The following MTF1 variants were observed in gnomAD, a reference collection of about 807,000 sequenced individuals.
The protein encoded by MTF1 is metal regulatory transcription factor 1.
In MTF1, 22 loss-of-function variants were observed where a neutral mutation model predicts 70.4. The ratio of observed to expected loss-of-function variants is 0.31; its 90% CI spans 0.22 to 0.45. MTF1 has a LOEUF of 0.45. MTF1 is among the 20% of genes least tolerant of loss of function. The pLI is 1.00. For missense variants in MTF1, 649 were observed against 922.0 expected (o/e 0.70, Z 3.83); for synonymous variants, 333 against 352.8 (o/e 0.94, Z 0.63).
intron 2 of MTF1, among the ~76,000 whole-genome samples, chr1:37,853,343 T>C (rs1265117841): frequency 1.3e-5 from 2 of 152,220 alleles, no homozygotes; most frequent in Non-Finnish European, 2.9e-5. Context: ...TCTACTACTA[T>C]GTTCTAGTCT....
At chr1:37,817,518 T>C in intron 9 of MTF1, 36 bp from the exon 10 acceptor site, 3 of 1,454,030 alleles carry the variant, frequency 2.1e-6, no homozygotes, top group Non-Finnish European at 2.9e-6. Context: ...TTATAGCCAC[T>C]GTAATATGGC....
intron 10 of MTF1, among the ~76,000 whole-genome samples, chr1:37,816,845 G>A (rs1640825779): frequency 6.6e-6 from 1 of 152,268 alleles, no homozygotes; most frequent in Non-Finnish European, 1.5e-5. Flanking sequence ...CTGGGTGACA[G>A]TGAGACCTTG....
Position 37,818,732 on chromosome 1 carries a change from C to T in MTF1, c.1768-1250G>A, listed in dbSNP as rs569693517. Among the ~76,000 whole-genome samples the T allele has an allele frequency of 1.0e-4, 15 of 149,822 alleles. No individual in the cohort carries two copies. The East Asian group carries it at 2.2e-3, about 22-fold the overall frequency. ...AAAAAAGGCCAGGTGTGGTGGCTCA[C>T]GCCTGTAATCCCAGCACTATGGGAG... On this transcript the variant is annotated intron_variant, in intron 9 of 10. Transcript: ENST00000373036.
chr1:37,854,710 T>C (rs1569890448), intron 2 of MTF1, among the ~76,000 whole-genome samples: 1 of 152,242 alleles, frequency 6.6e-6, no homozygotes, highest in Admixed American at 6.5e-5. Context: ...AGAGCCATAC[T>C]GTATTCAGTG....
chr1:37,855,190 AG>A (rs1440303711), intron 2 of MTF1, among the ~76,000 whole-genome samples: 1 of 152,200 alleles, frequency 6.6e-6, no homozygotes, highest in African/African-American at 2.4e-5. Flanking sequence ...CCTGTACAAG[AG>A]GAAGAAAAAT....
chr1:37,835,218 G>T lies in MTF1; in HGVS notation c.854-3C>A. The T allele has an allele frequency of 6.2e-7, 1 of 1,612,048 alleles. No homozygotes were observed. Among genetic ancestry groups the T allele is most frequent in the South Asian group, 1.1e-5 (1 of 90,974 alleles). On this transcript the variant is annotated splice_polypyrimidine_tract_variant and splice_region_variant and intron_variant, in intron 5 of 10. Transcript: ENST00000373036. Reference sequence around the variant, plus strand: ...GGGGCAGAAGAAGGGTCTTTCACCTGCAAGAATAACAAAGTAGTGTTAATT... The same window carrying T: ...GGGGCAGAAGAAGGGTCTTTCACCTTCAAGAATAACAAAGTAGTGTTAATT...
chr1:37,823,953 A>G (rs1480781844), intron 7 of MTF1, 141 bp from the exon 8 acceptor site: 9 of 624,406 alleles, frequency 1.4e-5, no homozygotes, highest in Non-Finnish European at 2.6e-5. Flanking sequence ...TTAAAGTAAC[A>G]TGTATTTTCT....
intron 7 of MTF1, 130 bp downstream of exon 7, chr1:37,832,113 CTA>C: frequency 1.7e-6 from 1 of 597,676 alleles, no homozygotes; most frequent in Non-Finnish European, 3.0e-6. Flanking sequence ...AGAAAAAATC[CTA>C]CATGGTCAGT....
At chr1:37,827,336 G>GTTATTA (rs71573764) in intron 7 of MTF1, among the ~76,000 whole-genome samples, 5,478 of 144,054 alleles carry the variant, frequency 0.038, 119 homozygotes, top group Non-Finnish European at 0.042. Flanking sequence ...CCTCATAGTT[G>GTTATTA]TTATTATTAT....
chr1:37,856,170 CTTTTTTT>C (rs869062644), intron 2 of MTF1, among the ~76,000 whole-genome samples: 2 of 74,156 alleles, frequency 2.7e-5, no homozygotes, highest in African/African-American at 5.1e-5. Flanking sequence ...CCTGAATTTC[CTTTTTTT>C]TTTTTTTTTT....
At position 37,827,459 on chromosome 1, in the gene MTF1, G is replaced by A. The variant is rs559518988; in HGVS notation, c.1069-3647C>T. Among the ~76,000 whole-genome samples, 61 of 151,946 alleles carry A rather than the reference G, an allele frequency of 4.0e-4. 1 individual carries two copies. The South Asian group carries it at 0.011, about 26-fold the overall frequency. ...TGCAAGCTCCACCTCCCAGGTTCAC[G>A]CCATTCTCCTGCCTCAGCCTCCCAA... is the stretch of plus-strand genomic sequence containing the variant. On this transcript the variant is annotated intron_variant, in intron 7 of 10. Transcript: ENST00000373036.
intron 4 of MTF1, 124 bp downstream of exon 4, chr1:37,838,501 A>G: frequency 1.3e-6 from 1 of 744,878 alleles, no homozygotes; most frequent in Non-Finnish European, 2.1e-6. Flanking sequence ...TCCTGGGGTG[A>G]GCTAACACTG....
intron 9 of MTF1, 74 bp downstream of exon 9, chr1:37,822,047 A>G (rs1640918600): frequency 8.1e-7 from 1 of 1,238,010 alleles, no homozygotes; most frequent in African/African-American, 1.5e-5. Flanking sequence ...TTCTTTTTGA[A>G]GTAAAAGCTT....
chr1:37,856,499 CTTTTTT>C (rs35260301), intron 2 of MTF1, among the ~76,000 whole-genome samples: 1 of 122,710 alleles, frequency 8.1e-6, no homozygotes, highest in African/African-American at 3.1e-5. Context: ...GAATTTCTTT[CTTTTTT>C]TTTTTTTTTT....
Position 37,840,786 on chromosome 1 carries a change from GA to G in MTF1, c.409-629del, listed in dbSNP as rs949058009. ...TCTTCACCTCATGGCAGAAGGTTAA[GA>G]AAAAAAAAAAAGCTGCTTCTCCGAC... On this transcript the variant is annotated intron_variant, in intron 2 of 10. Coordinates refer to ENST00000373036, the MANE Select transcript of MTF1 (RefSeq NM_005955.3). This position sits in a 1 kb window ranked among gnomAD's most constrained non-coding sequence, Gnocchi z 4.5. Among the ~76,000 whole-genome samples, 72 of 142,004 alleles carry G rather than the reference GA, an allele frequency of 5.1e-4. No individual in the cohort carries two copies. Among genetic ancestry groups the G allele is most frequent in the South Asian group, 1.1e-3 (5 of 4,490 alleles). The allele number at this position is 142,004 out of a possible 152,430, so 93.2% of individuals were successfully genotyped here.
At chr1:37,820,634 T>C (rs1203563691) in intron 9 of MTF1, among the ~76,000 whole-genome samples, 2 of 152,202 alleles carry the variant, frequency 1.3e-5, no homozygotes, top group African/African-American at 4.8e-5. Context: ...AAGGGATGAA[T>C]AAGTGAAGGA....
In MTF1 at chr1:37,840,929, T is replaced by C; in HGVS notation, c.409-771A>G. On this transcript the variant is annotated intron_variant, in intron 2 of 10. Transcript: ENST00000373036. The surrounding 1 kb of genome is among the most constrained non-coding windows in gnomAD (Gnocchi z 4.5). Reference sequence around the variant, plus strand: ...GCCAGGGTCATGGCTGTGGTTGGCCTGGAGCCAGGGCTGAGGCCATGGAGC... The same window carrying C: ...GCCAGGGTCATGGCTGTGGTTGGCCCGGAGCCAGGGCTGAGGCCATGGAGC... The C allele has an allele frequency of 4.4e-6, 1 of 227,042 alleles. No individual in the cohort carries two copies. The highest frequency in any genetic ancestry group is 8.8e-6 in the Non-Finnish European group (1 of 114,248). 14.1% of individuals were successfully genotyped at this position (227,042 alleles called of 1,614,324 possible). A position where few individuals can be genotyped will look rare whatever the true frequency, so the allele number is the denominator to read the frequency against.
chr1:37,815,177 C>G lies in MTF1; in HGVS notation c.2221G>C (p.Gly741Arg), dbSNP rs1640795198. The G allele has an allele frequency of 5.6e-6, 9 of 1,614,066 alleles. No individual in the cohort carries two copies. Among genetic ancestry groups the G allele is most frequent in the Non-Finnish European group, 7.6e-6 (9 of 1,180,036 alleles). ...NLIPIEALLQGEEEMGLTSSF... is the reference protein window; with the variant it reads ...NLIPIEALLQREEEMGLTSSF... ...CTGGTGAGGCCCATCTCCTCCTCCC[C>G]CTGCAGTAGTGCTTCAATGGGAATC... Residue 741 changes from glycine to arginine, a missense_variant, in exon 11 of 11, where the codon GGG becomes CGG. Transcript: ENST00000373036. This position sits in a 1 kb window ranked among gnomAD's most constrained non-coding sequence, Gnocchi z 4.5.
At chr1:37,828,646 G>C (rs1442548979) in intron 7 of MTF1, among the ~76,000 whole-genome samples, 1 of 152,180 alleles carries the variant, frequency 6.6e-6, no homozygotes, top group Non-Finnish European at 1.5e-5. Flanking sequence ...ACATGGGTGT[G>C]ACGAATTGTG....
Sources: allele counts gnomAD v4.1 joint callset (sites outside exome capture counted in the v4.1 genomes callset), GRCh38; gene constraint gnomAD v4.1.1; non-coding constraint Gnocchi (gnomAD v3.1); transcripts MANE v1.5; gene names NCBI Gene and HGNC (gene_info 2026-07-23, HGNC 2026-07-21).